Variants in MACROD2 observed in about 807,000 individuals in gnomAD.
The protein encoded by MACROD2 is mono-ADP ribosylhydrolase 2, also known as ADP-ribose glycohydrolase MACROD2.
In MACROD2, 36 loss-of-function variants were observed where a neutral mutation model predicts 70.4. The observed-to-expected ratio is 0.51, with a 90% CI of 0.39 to 0.68. The LOEUF (loss-of-function observed/expected upper bound fraction) is 0.68. Ranked by LOEUF, MACROD2 falls within the 30% of genes least tolerant of loss-of-function variation. The probability of loss-of-function intolerance (pLI) is 0.00; values close to 1 mark genes in which losing one functional copy is unlikely to be tolerated. For missense variants in MACROD2, 496 were observed against 538.4 expected (o/e 0.92, Z 0.78); for synonymous variants, 172 against 178.8 (o/e 0.96, Z 0.30).
intron 8 of MACROD2, among the ~76,000 whole-genome samples, chr20:15,689,835 G>A (rs1452525768): frequency 6.6e-6 from 1 of 152,164 alleles, no homozygotes; most frequent in Non-Finnish European, 1.5e-5. Context: ...AAGATATGGT[G>A]GAGAAAGCCC....
chr20:14,215,337 T>TACACACAC (rs199684417), intron 3 of MACROD2, among the ~76,000 whole-genome samples: 6,991 of 130,950 alleles, frequency 0.053, 197 homozygotes, highest in Admixed American at 0.065. Context: ...CCATCATATA[T>TACACACAC]ACACACACAC....
chr20:15,737,956 G>A (rs997221550), intron 8 of MACROD2, among the ~76,000 whole-genome samples: 19 of 152,094 alleles, frequency 1.2e-4, no homozygotes, highest in African/African-American at 4.3e-4. Flanking sequence ...CAAAACACAG[G>A]TAGACAGACA....
At chr20:15,963,854 A>C (rs1406087465) in intron 12 of MACROD2, among the ~76,000 whole-genome samples, 1 of 152,032 alleles carries the variant, frequency 6.6e-6, no homozygotes, top group Non-Finnish European at 1.5e-5. Flanking sequence ...TAATTTATGA[A>C]AGTGTTTCTT....
intron 5 of MACROD2, among the ~76,000 whole-genome samples, chr20:15,151,135 A>G (rs2076266389): frequency 6.6e-6 from 1 of 152,068 alleles, no homozygotes; most frequent in Non-Finnish European, 1.5e-5. Flanking sequence ...TCAGTCAGAG[A>G]GCCTTGGGCC....
intron 3 of MACROD2, among the ~76,000 whole-genome samples, chr20:14,466,267 G>A (rs191673462): frequency 7.2e-5 from 11 of 151,924 alleles, no homozygotes; most frequent in Admixed American, 3.3e-4. Context: ...TTCTCTTCAC[G>A]CTTCATTTCA....
At chr20:15,513,704 T>A (rs1286317209) in intron 8 of MACROD2, among the ~76,000 whole-genome samples, 2 of 152,242 alleles carry the variant, frequency 1.3e-5, no homozygotes, top group Admixed American at 6.5e-5. Flanking sequence ...TAATGTGGCA[T>A]CTTGCTTCAT....
At chr20:15,652,335 C>T (rs1470834902) in intron 8 of MACROD2, among the ~76,000 whole-genome samples, 3 of 152,140 alleles carry the variant, frequency 2.0e-5, no homozygotes, top group African/African-American at 7.2e-5. Context: ...GAGTCATGTG[C>T]TTTCAATGCA....
chr20:14,610,591 T>A (rs1983096139), intron 4 of MACROD2, among the ~76,000 whole-genome samples: 1 of 152,124 alleles, frequency 6.6e-6, no homozygotes. Context: ...AAGTATAGTG[T>A]TTGCTTGTTG....
intron 3 of MACROD2, among the ~76,000 whole-genome samples, chr20:14,117,386 G>A (rs1487160810): frequency 6.6e-6 from 1 of 152,122 alleles, no homozygotes; most frequent in Non-Finnish European, 1.5e-5. Context: ...ACTCAATGTT[G>A]GTCATGTAGT....
chr20:14,945,054 G>A (rs79259933), intron 5 of MACROD2, among the ~76,000 whole-genome samples: 6 of 152,062 alleles, frequency 3.9e-5, no homozygotes, highest in Admixed American at 6.6e-5. Flanking sequence ...TGTGGCCAGC[G>A]TTTAAAAATT....
intron 10 of MACROD2, among the ~76,000 whole-genome samples, chr20:15,912,626 G>T (rs1376969229): frequency 6.6e-6 from 1 of 152,056 alleles, no homozygotes; most frequent in Non-Finnish European, 1.5e-5. Context: ...TAGCTTCATT[G>T]ACCACAAAAG....
chr20:14,681,269 C>G (rs2070928634), intron 4 of MACROD2, among the ~76,000 whole-genome samples: 1 of 151,948 alleles, frequency 6.6e-6, no homozygotes, highest in Non-Finnish European at 1.5e-5. Context: ...TGATATTTGT[C>G]CAATGGAAAT....
chr20:14,728,281 G>A (rs2071553445), intron 5 of MACROD2, among the ~76,000 whole-genome samples: 1 of 152,156 alleles, frequency 6.6e-6, no homozygotes, highest in Non-Finnish European at 1.5e-5. Context: ...AAGTGGATAG[G>A]ACTGTGAACA....
At chr20:14,120,363 C>G (rs1238050049) in intron 3 of MACROD2, among the ~76,000 whole-genome samples, 1 of 151,902 alleles carries the variant, frequency 6.6e-6, no homozygotes, top group Non-Finnish European at 1.5e-5. Context: ...ATTAAAAAGT[C>G]AGGAAACAAA....
intron 8 of MACROD2, chr20:15,552,499 T>G (rs947018896): frequency 1.4e-4 from 21 of 152,254 alleles, no homozygotes; most frequent in African/African-American, 5.1e-4. Flanking sequence ...TATGTGAAGG[T>G]GTGCATGGCA....
At chr20:15,222,072 A>G (rs985629786) in intron 5 of MACROD2, among the ~76,000 whole-genome samples, 1 of 152,180 alleles carries the variant, frequency 6.6e-6, no homozygotes, top group African/African-American at 2.4e-5. Flanking sequence ...CAACTCACAA[A>G]CTCAAAGGAA....
intron 6 of MACROD2, among the ~76,000 whole-genome samples, chr20:15,234,268 G>A (rs925863177): frequency 4.0e-4 from 60 of 149,698 alleles, no homozygotes; most frequent in Non-Finnish European, 6.2e-4. Context: ...TCCTGACCTC[G>A]TGATCCGCCC....
chr20:15,323,770 T>C (rs1230101745), intron 6 of MACROD2, among the ~76,000 whole-genome samples: 5 of 152,172 alleles, frequency 3.3e-5, no homozygotes, highest in African/African-American at 1.2e-4. Flanking sequence ...TAGTTTATAC[T>C]CTCATCTAGG....
At chr20:15,957,253 G>T (rs1003428333) in intron 12 of MACROD2, among the ~76,000 whole-genome samples, 1 of 152,126 alleles carries the variant, frequency 6.6e-6, no homozygotes, top group African/African-American at 2.4e-5. Context: ...TCATCAAGCT[G>T]CACACTTAAG....
Sources: gnomAD v4.1 joint callset for allele counts (sites outside exome capture counted in the v4.1 genomes callset) on GRCh38, gnomAD v4.1.1 for gene constraint, MANE v1.5 for transcripts, NCBI Gene and HGNC (gene_info 2026-07-23, HGNC 2026-07-21) for gene names.